Variants in DNAH7 observed in about 807,000 individuals in gnomAD.
DNAH7 encodes dynein axonemal heavy chain 7, also known as axonemal beta dynein heavy chain 7.
In DNAH7, 397 loss-of-function variants were observed where a neutral mutation model predicts 444.6. That is an observed-to-expected ratio of 0.89 (90% confidence interval 0.82 to 0.97). The LOEUF (loss-of-function observed/expected upper bound fraction) is 0.97. Ranked by LOEUF, DNAH7 falls within the 50% of genes least tolerant of loss-of-function variation. The pLI is 0.00. For synonymous variants in DNAH7, 1,636 were observed against 1,624.4 expected (o/e 1.01, Z -0.17); for missense variants, 4,902 against 4,800.8 (o/e 1.02, Z -0.62).
rs201744719 is a variant in DNAH7 at position 195,895,203 on chromosome 2, G to A, written c.4669C>T (p.Pro1557Ser). ...TCTGGTTTTGGTAATTTTACCCCAG[G>A]AAACAAATCCGAAGTAATTCCCTGA... ...LFEGITSDLF[P>S]GVKLPKPDYN... The change falls in exon 30 of 65, where the codon CCT becomes TCT. Residue 1557 changes from proline to serine, a missense_variant. Transcript: ENST00000312428. The A allele has an allele frequency of 2.3e-4, 374 of 1,607,776 alleles. No homozygotes were observed. Among genetic ancestry groups the A allele is most frequent in the Non-Finnish European group, 2.4e-4 (279 of 1,175,726 alleles).
rs1433856838 is a variant in DNAH7, at chr2:195,740,644, TACATATACAC to T, written c.11868+112_11868+121del. ...ATATATATATATATATATATATATATACATATACACACACACATATGTATACACATATATA... is the reference window on the plus strand; with the variant it reads ...ATATATATATATATATATATATATATACACACATATGTATACACATATATA... On this transcript the variant is annotated intron_variant, in intron 64 of 64. Coordinates refer to ENST00000312428, the MANE Select transcript of DNAH7 (RefSeq NM_018897.3). 199 of 126,586 alleles carry T rather than the reference TACATATACAC, an allele frequency of 1.6e-3. 3 individuals carry two copies. The highest frequency in any genetic ancestry group is 0.013 in the South Asian group (53 of 4,014). The allele number at this position is 126,586 out of a possible 1,614,324, so 7.8% of individuals were successfully genotyped here. A position where few individuals can be genotyped will look rare whatever the true frequency, so the allele number is the denominator to read the frequency against.
chr2:195,776,323 A>T (rs1304127817), intron 59 of DNAH7, among the ~76,000 whole-genome samples: 1 of 152,068 alleles, frequency 6.6e-6, no homozygotes, highest in African/African-American at 2.4e-5. Flanking sequence ...CACACCTGTG[A>T]TCCCAGCTAC....
intron 24 of DNAH7, among the ~76,000 whole-genome samples, chr2:195,919,468 C>T (rs1687891444): frequency 6.6e-6 from 1 of 151,972 alleles, no homozygotes; most frequent in Admixed American, 6.6e-5. Context: ...CCTCAGCCTC[C>T]TGAGTAGCTG....
chr2:195,982,441 A>C (rs1289916366), intron 15 of DNAH7, among the ~76,000 whole-genome samples: 1 of 152,206 alleles, frequency 6.6e-6, no homozygotes, highest in Non-Finnish European at 1.5e-5. Context: ...AAAAACTTAA[A>C]ACTGAAGTTA....
At chr2:195,962,337 C>T (rs918889108) in intron 17 of DNAH7, among the ~76,000 whole-genome samples, 4 of 152,148 alleles carry the variant, frequency 2.6e-5, no homozygotes, top group Non-Finnish European at 4.4e-5. Context: ...TATAAACAAT[C>T]CAATTATACA....
chr2:195,830,744 G>C (rs1698027421), intron 48 of DNAH7, among the ~76,000 whole-genome samples: 1 of 152,182 alleles, frequency 6.6e-6, no homozygotes, highest in Admixed American at 6.5e-5. Context: ...TTGAAACAAT[G>C]CCATGTTGTT....
intron 24 of DNAH7, among the ~76,000 whole-genome samples, chr2:195,920,819 A>G (rs985724883): frequency 6.6e-6 from 1 of 152,248 alleles, no homozygotes; most frequent in Non-Finnish European, 1.5e-5. Flanking sequence ...CAAACTATGC[A>G]TCTGACAAAG....
intron 19 of DNAH7, among the ~76,000 whole-genome samples, chr2:195,941,276 A>G (rs1163441227): frequency 6.6e-6 from 1 of 152,096 alleles, no homozygotes; most frequent in Non-Finnish European, 1.5e-5. Context: ...CAGGAACAGA[A>G]AACCAAACAC....
intron 58 of DNAH7, among the ~76,000 whole-genome samples, chr2:195,778,340 A>G (rs1275392978): frequency 6.6e-6 from 1 of 151,864 alleles, no homozygotes; most frequent in Non-Finnish European, 1.5e-5. Context: ...CAAAGCAGAT[A>G]GAGTGTAATT....
intron 5 of DNAH7, among the ~76,000 whole-genome samples, chr2:196,034,934 A>G (rs1696289175): frequency 6.6e-6 from 1 of 152,236 alleles, no homozygotes; most frequent in African/African-American, 2.4e-5. Context: ...TAATCCCAGC[A>G]CTTTGGGAGG....
chr2:195,842,878 A>G (rs1043478689), intron 47 of DNAH7, among the ~76,000 whole-genome samples: 1 of 152,168 alleles, frequency 6.6e-6, no homozygotes, highest in African/African-American at 2.4e-5. Flanking sequence ...TTGGCCTCTG[A>G]TGGTGGATAC....
chr2:196,012,525 C>G (rs1221811858), intron 10 of DNAH7, among the ~76,000 whole-genome samples: 2 of 152,090 alleles, frequency 1.3e-5, no homozygotes, highest in Non-Finnish European at 2.9e-5. Context: ...GTATTCAGCA[C>G]CCCTCTCAAA....
At chr2:195,900,699 A>AG (rs1235986284) in intron 27 of DNAH7, 2 of 495,594 alleles carry the variant, frequency 4.0e-6, no homozygotes, top group African/African-American at 3.9e-5. Context: ...GCAAAATTTC[A>AG]GGTACATAAA....
intron 48 of DNAH7, among the ~76,000 whole-genome samples, chr2:195,825,768 G>T (rs1004808427): frequency 6.6e-6 from 1 of 152,214 alleles, no homozygotes; most frequent in African/African-American, 2.4e-5. Context: ...CAAAGGATGG[G>T]TGTACAATCT....
At position 195,808,767 on chromosome 2, in the gene DNAH7, C is replaced by A. The variant is rs1383340880; in HGVS notation, c.9998G>T (p.Arg3333Leu). ...LPQKSWDEIC[R>L]LDDLPAFKTI... ...TTTGAAGGCAGGCAAATCATCTAAT[C>A]GACATATTTCATCCCAGGATTTCTG... The change falls in exon 53 of 65, where the codon CGA becomes CTA. Residue 3333 changes from arginine (R) to leucine (L), a missense_variant. Arg to Leu is a moderately radical substitution (Grantham distance 102). Coordinates refer to ENST00000312428, the MANE Select transcript of DNAH7 (RefSeq NM_018897.3). The A allele has an allele frequency of 1.9e-6, 3 of 1,613,998 alleles. No homozygotes were observed. The highest frequency in any genetic ancestry group is 2.5e-6 in the Non-Finnish European group (3 of 1,179,946).
chr2:195,889,119 G>C, intron 31 of DNAH7, 138 bp from the exon 32 acceptor site: 1 of 750,608 alleles, frequency 1.3e-6, no homozygotes, highest in Non-Finnish European at 2.1e-6. Context: ...AGCACTTTTT[G>C]AATAAAGATT....
intron 6 of DNAH7, 21 bp downstream of exon 6, chr2:196,027,939 A>C (rs747631879): frequency 1.3e-5 from 21 of 1,605,966 alleles, no homozygotes; most frequent in Non-Finnish European, 1.8e-5. Flanking sequence ...AATTATACAG[A>C]CAAAACAAAT....
intron 20 of DNAH7, among the ~76,000 whole-genome samples, chr2:195,935,551 A>C (rs934269013): frequency 1.2e-4 from 18 of 152,198 alleles, no homozygotes; most frequent in Non-Finnish European, 2.5e-4. Flanking sequence ...CAGTGGGAAA[A>C]AAACAGTCAA....
intron 46 of DNAH7, among the ~76,000 whole-genome samples, chr2:195,850,698 A>G (rs1417564492): frequency 6.6e-6 from 1 of 152,200 alleles, no homozygotes; most frequent in African/African-American, 2.4e-5. Flanking sequence ...ATGTCAGAAA[A>G]GCACCAAATG....
Sources: gnomAD v4.1 joint callset for allele counts (sites outside exome capture counted in the v4.1 genomes callset) on GRCh38, gnomAD v4.1.1 for gene constraint, MANE v1.5 for transcripts, NCBI Gene and HGNC (gene_info 2026-07-23, HGNC 2026-07-21) for gene names.